The following DKK2 variants were observed in gnomAD, a reference collection of about 807,000 sequenced individuals.
The protein encoded by DKK2 is dickkopf-related protein 2.
A neutral mutation model predicts 28.1 loss-of-function variants in DKK2; 11 were observed. That is an observed-to-expected ratio of 0.39 (90% CI 0.25 to 0.65). DKK2 has a LOEUF of 0.65. DKK2 is among the 30% of genes least tolerant of loss of function. The pLI is 0.47. For synonymous variants in DKK2, 135 were observed against 126.5 expected (o/e 1.07, Z -0.45); for missense variants, 326 against 335.5 (o/e 0.97, Z 0.22).
chr4:106,998,255 A>G (rs1472066038), intron 1 of DKK2, among the ~76,000 whole-genome samples: 1 of 152,182 alleles, frequency 6.6e-6, no homozygotes, highest in Non-Finnish European at 1.5e-5. Context: ...TTTCTAGTCC[A>G]TTCTGTTTCA....
At chr4:106,935,660 G>T (rs536221273) in intron 1 of DKK2, among the ~76,000 whole-genome samples, 2 of 152,366 alleles carry the variant, frequency 1.3e-5, no homozygotes, top group East Asian at 3.9e-4. Context: ...ACCTCTGTGG[G>T]CAGGGCACAG....
chr4:106,977,172 T>C (rs1439752585), intron 1 of DKK2, among the ~76,000 whole-genome samples: 1 of 152,214 alleles, frequency 6.6e-6, no homozygotes, highest in Admixed American at 6.5e-5. Context: ...GCCCTTAACA[T>C]TTTTTCCTTC....
At chr4:106,958,837 C>CAAAAA (rs767389620) in intron 1 of DKK2, among the ~76,000 whole-genome samples, 2 of 67,034 alleles carry the variant, frequency 3.0e-5, no homozygotes, top group African/African-American at 9.1e-5. Context: ...AACTCAATCT[C>CAAAAA]AAAAAAAAAA....
At chr4:106,953,131 T>C (rs1722512121) in intron 1 of DKK2, among the ~76,000 whole-genome samples, 1 of 152,206 alleles carries the variant, frequency 6.6e-6, no homozygotes, top group Admixed American at 6.5e-5. Context: ...CACGTTTATT[T>C]TGTGGTATTC....
intron 1 of DKK2, among the ~76,000 whole-genome samples, chr4:106,994,336 TA>T (rs1723242979): frequency 6.6e-6 from 1 of 152,188 alleles, no homozygotes; most frequent in Admixed American, 6.5e-5. Flanking sequence ...TCACTTGACA[TA>T]ATTTTCAGAG....
At chr4:106,945,631 G>C (rs1481806445) in intron 1 of DKK2, among the ~76,000 whole-genome samples, 1 of 152,056 alleles carries the variant, frequency 6.6e-6, no homozygotes, top group African/African-American at 2.4e-5. Context: ...ATCCTTCCAT[G>C]GTTAGAAAAA....
intron 1 of DKK2, among the ~76,000 whole-genome samples, chr4:107,008,647 A>T (rs990600276): frequency 6.6e-6 from 1 of 152,042 alleles, no homozygotes; most frequent in African/African-American, 2.4e-5. Flanking sequence ...CCTTGGAGCC[A>T]CAATGTAGAA....
chr4:107,012,863 C>A (rs367866339), intron 1 of DKK2, among the ~76,000 whole-genome samples: 2 of 150,840 alleles, frequency 1.3e-5, no homozygotes, highest in East Asian at 1.9e-4. Context: ...ATGGAAGGTC[C>A]CCAAGTTAGA....
chr4:106,966,696 A>T (rs946138334), intron 1 of DKK2, among the ~76,000 whole-genome samples: 2 of 152,192 alleles, frequency 1.3e-5, no homozygotes, highest in Admixed American at 6.5e-5. Flanking sequence ...TTAATAATAA[A>T]GTAAAAGAAA....
rs1224653488 is a variant in DKK2, at chr4:106,924,081, C to A, written c.653G>T (p.Arg218Leu). 1.2e-6 allele frequency: 2 copies of A among 1,613,810 alleles called. No individual in the cohort carries two copies. Among genetic ancestry groups the A allele is most frequent in the East Asian group, 2.2e-5 (1 of 44,874 alleles). Reference sequence around the variant, plus strand: ...TTCCAGCCCATGAGAACCCTTCTTGCGTTGTTTGGTACAGACTTCCCCCTG... The same window carrying A: ...TTCCAGCCCATGAGAACCCTTCTTGAGTTGTTTGGTACAGACTTCCCCCTG... Reference protein sequence around the residue: ...LHQGEVCTKQRKKGSHGLEIF... With the variant: ...LHQGEVCTKQLKKGSHGLEIF... The change falls in exon 4 of 4, where the codon CGC (arginine) becomes CTC (leucine). Residue 218 changes from arginine (R) to leucine (L), a missense_variant. Transcript: ENST00000285311.
At chr4:106,975,074 G>A (rs2110355704) in intron 1 of DKK2, among the ~76,000 whole-genome samples, 1 of 152,298 alleles carries the variant, frequency 6.6e-6, no homozygotes, top group Non-Finnish European at 1.5e-5. Flanking sequence ...AACCAGACTT[G>A]CATCCCAGGG....
At position 106,923,760 on chromosome 4, in the gene DKK2, G is replaced by T; in HGVS notation, c.*194C>A. ...GACAAGTTGCATAATGGAAACACTG[G>T]CTGCACTGCATTTGTCACCCATTCT... On this transcript the variant is annotated 3_prime_UTR_variant, in exon 4 of 4. Transcript: ENST00000285311. The T allele has an allele frequency of 1.5e-6, 1 of 686,402 alleles. No individual in the cohort carries two copies. 42.5% of individuals were successfully genotyped at this position (686,402 alleles called of 1,614,324 possible). A position where few individuals can be genotyped will look rare whatever the true frequency, so the allele number is the denominator to read the frequency against.
Position 106,925,957 on chromosome 4 carries a change from C to G in DKK2, c.223-8G>C. On this transcript the variant is annotated splice_region_variant and splice_polypyrimidine_tract_variant and intron_variant, in intron 1 of 3. Coordinates refer to ENST00000285311, the MANE Select transcript of DKK2 (RefSeq NM_014421.3). ...ACTGCTACAAGGGTAGGCCTGTCATCAAGTGGAACAACACCAGAAGTAAAG... is the reference window on the plus strand; with the variant it reads ...ACTGCTACAAGGGTAGGCCTGTCATGAAGTGGAACAACACCAGAAGTAAAG... The G allele has an allele frequency of 6.3e-7, 1 of 1,595,964 alleles. No individual in the cohort carries two copies.
At chr4:106,962,552 T>TGTGA (rs1560581018) in intron 1 of DKK2, among the ~76,000 whole-genome samples, 2 of 120,528 alleles carry the variant, frequency 1.7e-5, no homozygotes, top group East Asian at 2.6e-4. Context: ...TGTGTGTGTG[T>TGTGA]GAATGCAGAA....
intron 1 of DKK2, among the ~76,000 whole-genome samples, chr4:106,979,868 T>C (rs1040836254): frequency 1.3e-5 from 2 of 152,228 alleles, no homozygotes; most frequent in Non-Finnish European, 2.9e-5. Context: ...AGCCATGACA[T>C]TGAACCACAC....
rs370541160 is a variant in DKK2 at position 107,035,497 on chromosome 4, C to T, written c.95G>A (p.Arg32Gln). 6.2e-7 allele frequency: 1 copy of T among 1,614,122 alleles called. No individual in the cohort carries two copies. Among genetic ancestry groups the T allele is most frequent in the Non-Finnish European group, 8.5e-7 (1 of 1,180,028 alleles). ...GGACTTGATGGAGTTGAGTTTGGCC[C>T]GCGAACTGCCGATCTGTGAGCTCTC... Reference protein sequence around the residue: ...MVESSQIGSSRAKLNSIKSSL... With the variant: ...MVESSQIGSSQAKLNSIKSSL... The change falls in exon 1 of 4, where the codon CGG (arginine) becomes CAG (glutamine). Residue 32 changes from arginine (R) to glutamine (Q), a missense_variant. Transcript: ENST00000285311.
chr4:107,018,882 A>C (rs1723651079), intron 1 of DKK2, among the ~76,000 whole-genome samples: 1 of 152,070 alleles, frequency 6.6e-6, no homozygotes, highest in South Asian at 2.1e-4. Context: ...TGGGGAGCTG[A>C]ATTTCCTGCC....
chr4:106,985,464 T>C (rs925744870), intron 1 of DKK2, among the ~76,000 whole-genome samples: 9 of 151,988 alleles, frequency 5.9e-5, no homozygotes, highest in African/African-American at 2.2e-4. Flanking sequence ...TTACATTATT[T>C]ATTACGACTG....
intron 1 of DKK2, among the ~76,000 whole-genome samples, chr4:107,006,733 G>A (rs1053431676): frequency 2.0e-5 from 3 of 152,168 alleles, no homozygotes; most frequent in Non-Finnish European, 4.4e-5. Context: ...AGAATCTTTG[G>A]TTTGCGTCCT....
Sources: gnomAD v4.1 joint callset for allele counts (sites outside exome capture counted in the v4.1 genomes callset) on GRCh38, gnomAD v4.1.1 for gene constraint, MANE v1.5 for transcripts, NCBI Gene and HGNC (gene_info 2026-07-23, HGNC 2026-07-21) for gene names.